Variants in PCDHB8 observed in about 807,000 individuals in gnomAD.
PCDHB8 encodes protocadherin beta 8.
For synonymous variants in PCDHB8, 385 were observed against 448.5 expected (o/e 0.86, Z 1.79); for missense variants, 836 against 1,004.0 (o/e 0.83, Z 2.26).
chr5:141,179,132 T>G lies in PCDHB8; in HGVS notation c.1098T>G (p.Val366=). ...PIPENAPETV[V]ALFSVSDLDS... is the part of the protein sequence containing the mutation. ...CTGAGAATGCGCCTGAAACTGTGGT[T>G]GCACTTTTCAGTGTTTCAGACCTTG... The change falls in exon 1 of 1, where the codon GTT becomes GTG. Residue 366 remains valine (V), a synonymous_variant. Coordinates refer to ENST00000239444, the MANE Select transcript of PCDHB8 (RefSeq NM_019120.5). 6.2e-7 allele frequency: 1 copy of G among 1,614,236 alleles called. No individual in the cohort carries two copies. Among genetic ancestry groups the G allele is most frequent in the Non-Finnish European group, 8.5e-7 (1 of 1,180,048 alleles).
In PCDHB8 at chr5:141,178,909, C is replaced by CT. The variant is rs782382106; in HGVS notation, c.879dup (p.Lys294Ter). The CT allele has an allele frequency of 1.9e-6, 3 of 1,614,106 alleles. No homozygotes were observed. Among genetic ancestry groups the CT allele is most frequent in the Non-Finnish European group, 2.5e-6 (3 of 1,180,040 alleles). ...CAAGCTTCAGATGAGATAAGCAAAA[C>CT]TTTTAAGGTCGATTTCTTGACAGGA... On this transcript the variant is annotated frameshift_variant, in exon 1 of 1. Coordinates refer to ENST00000239444, the MANE Select transcript of PCDHB8 (RefSeq NM_019120.5). LOFTEE classifies it low-confidence loss of function (END_TRUNC).
chr5:141,179,271 G>A lies in PCDHB8; in HGVS notation c.1237G>A (p.Glu413Lys), dbSNP rs1753471362. The part of the protein sequence containing the change: ...TLLTETPLDR[E>K]SRAEYNVTIT... ...ACTAACAGAGACACCACTAGACAGA[G>A]AAAGCAGAGCCGAGTACAACGTCAC... The change falls in exon 1 of 1, where the codon GAA (glutamate) becomes AAA (lysine). Residue 413 changes from glutamate (E) to lysine (K), a missense_variant. Coordinates refer to ENST00000239444, the MANE Select transcript of PCDHB8 (RefSeq NM_019120.5). 2.5e-6 allele frequency: 4 copies of A among 1,614,124 alleles called. No homozygotes were observed. Among genetic ancestry groups the A allele is most frequent in the Non-Finnish European group, 3.4e-6 (4 of 1,180,052 alleles).
chr5:141,180,456 A>G lies in PCDHB8; in HGVS notation c.*16A>G, dbSNP rs1254361185. The G allele has an allele frequency of 2.0e-6, 3 of 1,469,172 alleles. No individual in the cohort carries two copies. Among genetic ancestry groups the G allele is most frequent in the Non-Finnish European group, 2.7e-6 (3 of 1,100,910 alleles). 91.0% of individuals were successfully genotyped at this position (1,469,172 alleles called of 1,614,324 possible). On this transcript the variant is annotated 3_prime_UTR_variant, in exon 1 of 1. Transcript: ENST00000239444. Reference sequence around the variant, plus strand: ...GTTAAAGTAATTGATTTCATATTATATATTTTAATTTTTATGATCAATTCA... The same window carrying G: ...GTTAAAGTAATTGATTTCATATTATGTATTTTAATTTTTATGATCAATTCA...
chr5:141,179,248 T>C lies in PCDHB8; in HGVS notation c.1214T>C (p.Leu405Pro), dbSNP rs782739414. The C allele has an allele frequency of 5.0e-6, 8 of 1,614,184 alleles. No homozygotes were observed. In the Admixed American group the frequency reaches 5.0e-5, roughly 10 times the overall value. Reference sequence around the variant, plus strand: ...TCTGTGGGGAACTTTTACACCCTACTAACAGAGACACCACTAGACAGAGAA... The same window carrying C: ...TCTGTGGGGAACTTTTACACCCTACCAACAGAGACACCACTAGACAGAGAA... ...KSSVGNFYTL[L>P]TETPLDRESR... The change falls in exon 1 of 1, where the codon CTA becomes CCA. Residue 405 changes from leucine (L) to proline (P), a missense_variant. Transcript: ENST00000239444.
In PCDHB8 at chr5:141,180,319, C is replaced by T. The variant is rs557121469; in HGVS notation, c.2285C>T (p.Thr762Met). The T allele has an allele frequency of 1.9e-6, 3 of 1,613,972 alleles. No homozygotes were observed. The highest frequency in any genetic ancestry group is 1.1e-5 in the South Asian group (1 of 91,072). The change falls in exon 1 of 1, where the codon ACG becomes ATG. Residue 762 changes from threonine (T) to methionine (M), a missense_variant. Thr to Met is a moderately conservative substitution (Grantham distance 81). Coordinates refer to ENST00000239444, the MANE Select transcript of PCDHB8 (RefSeq NM_019120.5). Reference sequence around the variant, plus strand: ...GTGTGCCTGGCAGGAGGCTCAGGGACGAATGAGTTCCAGCTCCTGAAACCA... The same window carrying T: ...GTGTGCCTGGCAGGAGGCTCAGGGATGAATGAGTTCCAGCTCCTGAAACCA... ...YEVCLAGGSG[T>M]NEFQLLKPVL...
At position 141,179,043 on chromosome 5, in the gene PCDHB8, C is replaced by A; in HGVS notation, c.1009C>A (p.Gln337Lys). 1 of 1,614,240 alleles carries A rather than the reference C, an allele frequency of 6.2e-7. No homozygotes were observed. Among genetic ancestry groups the A allele is most frequent in the South Asian group, 1.1e-5 (1 of 91,086 alleles). ...TTCTGGAAAATGCACCGTTCTGATTCAAGTGATAGATGTGAACGACCATGC... is the reference window on the plus strand; with the variant it reads ...TTCTGGAAAATGCACCGTTCTGATTAAAGTGATAGATGTGAACGACCATGC... The part of the protein sequence containing the change: ...GFSGKCTVLI[Q>K]VIDVNDHAPE... Residue 337 changes from glutamine to lysine, a missense_variant, in exon 1 of 1, where the codon CAA (glutamine) becomes AAA (lysine). By Grantham distance (53) the Gln-to-Lys change is moderately conservative. Coordinates refer to ENST00000239444, the MANE Select transcript of PCDHB8 (RefSeq NM_019120.5).
At position 141,178,819 on chromosome 5, in the gene PCDHB8, T is replaced by C. The variant is rs868969986; in HGVS notation, c.785T>C (p.Val262Ala). ...ISEDSPISFL[V>A]VKVSATDVDT... Reference sequence around the variant, plus strand: ...GAGGACAGTCCAATAAGCTTCCTGGTTGTGAAGGTCTCTGCCACGGATGTA... The same window carrying C: ...GAGGACAGTCCAATAAGCTTCCTGGCTGTGAAGGTCTCTGCCACGGATGTA... The change falls in exon 1 of 1, where the codon GTT (valine) becomes GCT (alanine). Residue 262 changes from valine (V) to alanine (A), a missense_variant. Val to Ala is a moderately conservative substitution (Grantham distance 64). Transcript: ENST00000239444. 6 of 1,614,256 alleles carry C rather than the reference T, an allele frequency of 3.7e-6. No homozygotes were observed. Among genetic ancestry groups the C allele is most frequent in the South Asian group, 3.3e-5 (3 of 91,082 alleles).
Position 141,179,862 on chromosome 5 carries a change from G to A in PCDHB8, c.1828G>A (p.Ala610Thr). 1 of 1,609,958 alleles carries A rather than the reference G, an allele frequency of 6.2e-7. No homozygotes were observed. The highest frequency in any genetic ancestry group is 8.5e-7 in the Non-Finnish European group (1 of 1,179,674). ...NAWLSYQLLKATEPGLFGVWA... is the reference protein window; with the variant it reads ...NAWLSYQLLKTTEPGLFGVWA... ...CTGGCTGTCGTACCAGCTGCTCAAG[G>A]CCACGGAGCCCGGGCTGTTCGGTGT... The change falls in exon 1 of 1, where the codon GCC (alanine) becomes ACC (threonine). Residue 610 changes from alanine (A) to threonine (T), a missense_variant. Transcript: ENST00000239444.
Position 141,179,453 on chromosome 5 carries a change from C to T in PCDHB8, c.1419C>T (p.Ser473=), listed in dbSNP as rs113701735. 4.2e-5 allele frequency: 68 copies of T among 1,613,714 alleles called. No homozygotes were observed. The highest frequency in any genetic ancestry group is 1.7e-4 in the Middle Eastern group (1 of 5,880). ...ENNSPALHIG[S]VSATDRDSGT... is the part of the protein sequence containing the mutation. ...ACAGCCCCGCCCTGCACATCGGCAG[C>T]GTCAGCGCCACAGACAGAGACTCGG... Residue 473 remains serine, a synonymous_variant, in exon 1 of 1, where the codon AGC becomes AGT. Coordinates refer to ENST00000239444, the MANE Select transcript of PCDHB8 (RefSeq NM_019120.5).
rs1753473546 is a variant in PCDHB8 at position 141,179,325 on chromosome 5, A to G, written c.1291A>G (p.Arg431Gly). Reference protein sequence around the residue: ...TITVTDLGTPRLTTHLNMTVL... With the variant: ...TITVTDLGTPGLTTHLNMTVL... ...CACCGTCACTGACTTAGGGACACCC[A>G]GGCTGACAACACATCTCAATATGAC... Residue 431 changes from arginine (R) to glycine (G), a missense_variant, in exon 1 of 1, where the codon AGG becomes GGG. Transcript: ENST00000239444. 4 of 1,614,270 alleles carry G rather than the reference A, an allele frequency of 2.5e-6. No homozygotes were observed.
Position 141,179,905 on chromosome 5 carries a change from A to G in PCDHB8, c.1871A>G (p.Glu624Gly). 6.2e-7 allele frequency: 1 copy of G among 1,609,466 alleles called. No homozygotes were observed. Among genetic ancestry groups the G allele is most frequent in the Non-Finnish European group, 8.5e-7 (1 of 1,179,634 alleles). ...GLFGVWAHNG[E>G]VRTARLLSER... ...TTCGGTGTGTGGGCGCACAATGGCG[A>G]GGTGCGCACCGCCAGGCTGCTGAGC... The change falls in exon 1 of 1, where the codon GAG becomes GGG. Residue 624 changes from glutamate (E) to glycine (G), a missense_variant. Coordinates refer to ENST00000239444, the MANE Select transcript of PCDHB8 (RefSeq NM_019120.5).
Position 141,178,839 on chromosome 5 carries a change from G to C in PCDHB8, c.805G>C (p.Asp269His). ...CCTGGTTGTGAAGGTCTCTGCCACG[G>C]ATGTAGACACAGGAGTCAACGGAGA... ...SFLVVKVSAT[D>H]VDTGVNGEIS... The change falls in exon 1 of 1, where the codon GAT becomes CAT. Residue 269 changes from aspartate (D) to histidine (H), a missense_variant. Coordinates refer to ENST00000239444, the MANE Select transcript of PCDHB8 (RefSeq NM_019120.5). 6.2e-7 allele frequency: 1 copy of C among 1,614,258 alleles called. No homozygotes were observed. The highest frequency in any genetic ancestry group is 8.5e-7 in the Non-Finnish European group (1 of 1,180,050).
Position 141,179,992 on chromosome 5 carries a change from G to C in PCDHB8, c.1958G>C (p.Cys653Ser), listed in dbSNP as rs782634308. The C allele has an allele frequency of 6.2e-7, 1 of 1,608,602 alleles. No individual in the cohort carries two copies. The highest frequency in any genetic ancestry group is 8.5e-7 in the Non-Finnish European group (1 of 1,179,728). The change falls in exon 1 of 1, where the codon TGC becomes TCC. Residue 653 changes from cysteine to serine, a missense_variant. By Grantham distance (112) the Cys-to-Ser change is moderately radical (BLOSUM62 -1). Coordinates refer to ENST00000239444, the MANE Select transcript of PCDHB8 (RefSeq NM_019120.5). Reference protein sequence around the residue: ...VLVKDNGEPPCSATATLHVLL... With the variant: ...VLVKDNGEPPSSATATLHVLL... ...GTCAAGGACAATGGCGAGCCTCCGT[G>C]CTCGGCCACCGCCACGCTGCACGTG...
chr5:141,179,015 C>T lies in PCDHB8; in HGVS notation c.981C>T (p.Gly327=), dbSNP rs782678101. The change falls in exon 1 of 1, where the codon GGC becomes GGT. Residue 327 remains glycine (G), a synonymous_variant. Coordinates refer to ENST00000239444, the MANE Select transcript of PCDHB8 (RefSeq NM_019120.5). ...EVNIEARDAG[G]FSGKCTVLIQ... is the part of the protein sequence containing the mutation. ...ATATCGAGGCGAGAGATGCTGGAGG[C>T]TTTTCTGGAAAATGCACCGTTCTGA... The T allele has an allele frequency of 5.6e-6, 9 of 1,614,104 alleles. No individual in the cohort carries two copies. In the South Asian group the frequency reaches 7.7e-5, roughly 14 times the overall value.
rs782791543 is a variant in PCDHB8, at chr5:141,179,612, G to A, written c.1578G>A (p.Gln526=). Residue 526 remains glutamine, a synonymous_variant, in exon 1 of 1, where the codon CAG becomes CAA. Coordinates refer to ENST00000239444, the MANE Select transcript of PCDHB8 (RefSeq NM_019120.5). ...ALRSLDYEAL[Q]AFEFRVGASD... Reference sequence around the variant, plus strand: ...GGTCGCTGGACTACGAGGCCCTGCAGGCGTTCGAGTTCCGGGTGGGCGCTT... The same window carrying A: ...GGTCGCTGGACTACGAGGCCCTGCAAGCGTTCGAGTTCCGGGTGGGCGCTT... 1.9e-6 allele frequency: 3 copies of A among 1,613,456 alleles called. No homozygotes were observed. The highest frequency in any genetic ancestry group is 2.5e-6 in the Non-Finnish European group (3 of 1,179,918).
Position 141,178,044 on chromosome 5 carries a change from A to C in PCDHB8, c.10A>C (p.Ser4Arg), listed in dbSNP as rs1328039986. 1.2e-6 allele frequency: 2 copies of C among 1,613,554 alleles called. No homozygotes were observed. The highest frequency in any genetic ancestry group is 1.7e-6 in the Non-Finnish European group (2 of 1,179,964). ...GAATTCAGCAAGAACAATGGAGGCCAGCGGGAAGCTCATTTGCAGACAAAG... is the reference window on the plus strand; with the variant it reads ...GAATTCAGCAAGAACAATGGAGGCCCGCGGGAAGCTCATTTGCAGACAAAG... MEA[S>R]GKLICRQRQV... Residue 4 changes from serine to arginine, a missense_variant, in exon 1 of 1, where the codon AGC becomes CGC. Ser to Arg is a moderately radical substitution (Grantham distance 110, BLOSUM62 -1). Coordinates refer to ENST00000239444, the MANE Select transcript of PCDHB8 (RefSeq NM_019120.5).
Position 141,179,459 on chromosome 5 carries a change from C to G in PCDHB8, c.1425C>G (p.Ser475Arg). The change falls in exon 1 of 1, where the codon AGC (serine) becomes AGG (arginine). Residue 475 changes from serine to arginine, a missense_variant. Ser to Arg is a moderately radical substitution (Grantham distance 110). Coordinates refer to ENST00000239444, the MANE Select transcript of PCDHB8 (RefSeq NM_019120.5). ...CCGCCCTGCACATCGGCAGCGTCAG[C>G]GCCACAGACAGAGACTCGGGCACCA... ...NSPALHIGSV[S>R]ATDRDSGTNA... 2 of 1,613,956 alleles carry G rather than the reference C, an allele frequency of 1.2e-6. No homozygotes were observed. The highest frequency in any genetic ancestry group is 1.1e-5 in the South Asian group (1 of 91,072).
In PCDHB8 at chr5:141,179,981, C is replaced by A; in HGVS notation, c.1947C>A (p.Gly649=). The A allele has an allele frequency of 1.9e-6, 3 of 1,608,574 alleles. No individual in the cohort carries two copies. The highest frequency in any genetic ancestry group is 2.5e-6 in the Non-Finnish European group (3 of 1,179,692). Residue 649 remains glycine, a synonymous_variant, in exon 1 of 1, where the codon GGC becomes GGA. Transcript: ENST00000239444. ...QRLVVLVKDN[G]EPPCSATATL... is the part of the protein sequence containing the mutation. ...TGGTGGTGCTGGTCAAGGACAATGGCGAGCCTCCGTGCTCGGCCACCGCCA... is the reference window on the plus strand; with the variant it reads ...TGGTGGTGCTGGTCAAGGACAATGGAGAGCCTCCGTGCTCGGCCACCGCCA...
Position 141,179,322 on chromosome 5 carries a change from C to G in PCDHB8, c.1288C>G (p.Pro430Ala), listed in dbSNP as rs782821161. The change falls in exon 1 of 1, where the codon CCC (proline) becomes GCC (alanine). Residue 430 changes from proline to alanine, a missense_variant. Transcript: ENST00000239444. ...TATCACCGTCACTGACTTAGGGACACCCAGGCTGACAACACATCTCAATAT... is the reference window on the plus strand; with the variant it reads ...TATCACCGTCACTGACTTAGGGACAGCCAGGCTGACAACACATCTCAATAT... Reference protein sequence around the residue: ...VTITVTDLGTPRLTTHLNMTV... With the variant: ...VTITVTDLGTARLTTHLNMTV... 1 of 1,614,260 alleles carries G rather than the reference C, an allele frequency of 6.2e-7. No individual in the cohort carries two copies. The highest frequency in any genetic ancestry group is 8.5e-7 in the Non-Finnish European group (1 of 1,180,052).
Sources: allele counts gnomAD v4.1 joint callset, GRCh38; gene constraint gnomAD v4.1.1; transcripts MANE v1.5; gene names NCBI Gene and HGNC (gene_info 2026-07-23, HGNC 2026-07-21).